Variants in CDH13 observed in about 807,000 individuals in gnomAD.
CDH13 encodes cadherin 13, also known as cadherin-13.
CDH13 carries 24 observed loss-of-function variants against 63.8 expected under a neutral mutation model. That is an observed-to-expected ratio of 0.38 (90% confidence interval 0.27 to 0.53). The LOEUF is 0.53. CDH13 is among the 20% of genes least tolerant of loss of function. The pLI is 0.85. For missense variants in CDH13, 1,049 were observed against 903.1 expected (o/e 1.16, Z -2.07); for synonymous variants, 503 against 355.3 (o/e 1.42, Z -4.67).
intron 13 of CDH13, among the ~76,000 whole-genome samples, chr16:83,789,337 C>CTTTTTTTTTTTTTTTTTTTT (rs148503283): frequency 2.3e-5 from 3 of 132,292 alleles, no homozygotes; most frequent in African/African-American, 3.0e-5. Context: ...TAGTAGCTTT[C>CTTTTTTTTTTTTTTTTTTTT]TTTTTTTTTG....
chr16:83,072,463 T>C (rs1468903653), intron 3 of CDH13, among the ~76,000 whole-genome samples: 1 of 152,158 alleles, frequency 6.6e-6, no homozygotes, highest in Non-Finnish European at 1.5e-5. Flanking sequence ...TGGGTACCTC[T>C]TATATGGAAA....
chr16:83,038,397 T>G (rs2151484051), intron 3 of CDH13, among the ~76,000 whole-genome samples: 1 of 152,338 alleles, frequency 6.6e-6, no homozygotes, highest in Non-Finnish European at 1.5e-5. Flanking sequence ...CTGGCTTATG[T>G]AAGATCACCT....
intron 1 of CDH13, among the ~76,000 whole-genome samples, chr16:82,841,000 T>A (rs1213142058): frequency 1.3e-5 from 2 of 152,182 alleles, no homozygotes; most frequent in African/African-American, 4.8e-5. Context: ...AAAATCACTT[T>A]TAGTTGACTA....
chr16:83,733,920 T>G (rs780208407), intron 10 of CDH13, among the ~76,000 whole-genome samples: 22 of 152,188 alleles, frequency 1.4e-4, no homozygotes, highest in Non-Finnish European at 2.5e-4. Context: ...GAGAGCCCCC[T>G]GCCCCAGGTT....
chr16:83,203,457 C>T (rs558091230), intron 4 of CDH13, among the ~76,000 whole-genome samples: 4 of 151,834 alleles, frequency 2.6e-5, no homozygotes, highest in South Asian at 4.2e-4. Context: ...GAGGCCAAGG[C>T]GGGCGGATCA....
At chr16:82,928,353 C>A (rs965742276) in intron 2 of CDH13, among the ~76,000 whole-genome samples, 1 of 152,082 alleles carries the variant, frequency 6.6e-6, no homozygotes, top group Admixed American at 6.5e-5. Context: ...TTCATGTGGA[C>A]CCATTGCATG....
intron 1 of CDH13, among the ~76,000 whole-genome samples, chr16:82,795,422 G>C (rs1441111542): frequency 6.6e-6 from 1 of 152,152 alleles, no homozygotes; most frequent in Non-Finnish European, 1.5e-5. Context: ...ATCAACCTGG[G>C]CCCGGAGGGG....
chr16:82,992,853 T>A (rs761909223), intron 2 of CDH13, among the ~76,000 whole-genome samples: 11 of 152,168 alleles, frequency 7.2e-5, no homozygotes, highest in Non-Finnish European at 1.6e-4. Context: ...GAGATGATAA[T>A]CAAATTATTG....
intron 5 of CDH13, among the ~76,000 whole-genome samples, chr16:83,227,181 A>C (rs2039866008): frequency 6.6e-6 from 1 of 152,226 alleles, no homozygotes; most frequent in Non-Finnish European, 1.5e-5. Flanking sequence ...ACCCGGATGC[A>C]AGCACCACAG....
At chr16:83,561,018 T>C (rs1187056778) in intron 7 of CDH13, among the ~76,000 whole-genome samples, 1 of 152,216 alleles carries the variant, frequency 6.6e-6, no homozygotes, top group Non-Finnish European at 1.5e-5. Context: ...CTACATTTTC[T>C]GGAGGTTTTT....
chr16:83,675,351 T>C (rs1392205373), intron 9 of CDH13, among the ~76,000 whole-genome samples: 1 of 152,204 alleles, frequency 6.6e-6, no homozygotes, highest in East Asian at 1.9e-4. Context: ...AACATTAGCA[T>C]GGCCCTGCTC....
intron 2 of CDH13, among the ~76,000 whole-genome samples, chr16:82,962,085 A>G (rs1316791589): frequency 6.6e-6 from 1 of 152,184 alleles, no homozygotes; most frequent in Non-Finnish European, 1.5e-5. Context: ...GGAGCCAGTG[A>G]ATGTGAGCTT....
intron 6 of CDH13, among the ~76,000 whole-genome samples, chr16:83,376,525 G>A (rs1381590830): frequency 2.0e-5 from 3 of 152,132 alleles, no homozygotes; most frequent in Middle Eastern, 3.2e-3. Context: ...GAGTAAAAAC[G>A]ACATGGACAC....
intron 4 of CDH13, among the ~76,000 whole-genome samples, chr16:83,212,809 A>G (rs1420697525): frequency 6.6e-6 from 1 of 152,196 alleles, no homozygotes; most frequent in Non-Finnish European, 1.5e-5. Flanking sequence ...GATTTCTGAT[A>G]CAAGAGGCTT....
In CDH13 at chr16:82,877,924, GAC is replaced by G. The variant is rs1213536997; in HGVS notation, c.157+19487_157+19488del. Among the ~76,000 whole-genome samples the G allele has an allele frequency of 8.2e-3, 1,063 of 129,306 alleles. 12 individuals carry two copies. Among genetic ancestry groups the G allele is most frequent in the Middle Eastern group, 0.026 (7 of 270 alleles). 84.8% of individuals were successfully genotyped at this position (129,306 alleles called of 152,430 possible). The stretch of plus-strand genomic sequence containing the variant: ...AGGTGGAAATACATACATACACATA[GAC>G]ACACACACACACACACACACACACA... On this transcript the variant is annotated intron_variant, in intron 2 of 13. Transcript: ENST00000567109.
At chr16:83,114,977 A>G (rs1047323085) in intron 3 of CDH13, among the ~76,000 whole-genome samples, 3 of 152,224 alleles carry the variant, frequency 2.0e-5, no homozygotes, top group East Asian at 1.9e-4. Context: ...TTTGCAGACA[A>G]TTAAGCTGTC....
intron 5 of CDH13, among the ~76,000 whole-genome samples, chr16:83,256,579 C>T (rs1459385646): frequency 6.6e-6 from 1 of 151,470 alleles, no homozygotes; most frequent in Non-Finnish European, 1.5e-5. Context: ...CGCCTGTAAT[C>T]CCAGCACTTT....
At chr16:83,052,776 C>CAAAAAAAAAAAAAA (rs71148805) in intron 3 of CDH13, among the ~76,000 whole-genome samples, 1 of 92,878 alleles carries the variant, frequency 1.1e-5, no homozygotes, top group Non-Finnish European at 2.1e-5. Flanking sequence ...GACTTTATCT[C>CAAAAAAAAAAAAAA]AAAAAAAAAA....
At chr16:83,014,852 ATTTGTATATATATATGTATATATATATG>A (rs1914594800) in intron 2 of CDH13, among the ~76,000 whole-genome samples, 2 of 108,144 alleles carry the variant, frequency 1.8e-5, no homozygotes, top group East Asian at 2.8e-4. Flanking sequence ...GTATATATAT[ATTTGTATATATATATGTATATATATATG>A]TTTGTGTATA....
Sources: gnomAD v4.1 joint callset for allele counts (sites outside exome capture counted in the v4.1 genomes callset) on GRCh38, gnomAD v4.1.1 for gene constraint, MANE v1.5 for transcripts, NCBI Gene and HGNC (gene_info 2026-07-23, HGNC 2026-07-21) for gene names.